Variants in CDK13 observed in about 807,000 individuals in gnomAD.
The protein encoded by CDK13 is cyclin-dependent kinase 13.
A neutral mutation model predicts 137.6 loss-of-function variants in CDK13; 40 were observed. That is an observed-to-expected ratio of 0.29 (90% CI 0.23 to 0.38). The LOEUF (loss-of-function observed/expected upper bound fraction) is 0.38. Among genes scored for constraint, CDK13 ranks in the 10% least tolerant of loss-of-function variants. The probability of loss-of-function intolerance (pLI) is 1.00; values close to 1 mark genes in which losing one functional copy is unlikely to be tolerated. For synonymous variants in CDK13, 869 were observed against 760.1 expected, an observed-to-expected ratio of 1.14 and a Z score of -2.36; for missense variants, 1,704 against 1,951.8, an observed-to-expected ratio of 0.87 and a Z score of 2.39.
chr7:39,974,081 A>T (rs1178684131), intron 1 of CDK13, among the ~76,000 whole-genome samples: 1 of 152,208 alleles, frequency 6.6e-6, no homozygotes, highest in Non-Finnish European at 1.5e-5. Flanking sequence ...GCATTTTCAA[A>T]TGAATTTTAG....
chr7:39,971,547 C>T (rs919561070), intron 1 of CDK13, among the ~76,000 whole-genome samples: 1 of 151,208 alleles, frequency 6.6e-6, no homozygotes, highest in Non-Finnish European at 1.5e-5. Context: ...AAAAAAAACA[C>T]TTTGTATTTT....
At chr7:40,077,900 G>C (rs1786581005) in intron 9 of CDK13, 105 bp from the exon 10 acceptor site, 3 of 542,084 alleles carry the variant, frequency 5.5e-6, no homozygotes, top group Admixed American at 3.1e-5. Context: ...ATAGACCAAG[G>C]CTTCAATTTT....
chr7:39,979,564 T>A (rs1424886987), intron 1 of CDK13, among the ~76,000 whole-genome samples: 1 of 152,110 alleles, frequency 6.6e-6, no homozygotes, highest in Non-Finnish European at 1.5e-5. Context: ...AGGGAAGTGG[T>A]AATGAGGTCT....
At chr7:40,075,132 T>G (rs1351238690) in intron 9 of CDK13, among the ~76,000 whole-genome samples, 1 of 152,120 alleles carries the variant, frequency 6.6e-6, no homozygotes, top group Non-Finnish European at 1.5e-5. Flanking sequence ...CAAGGAATAT[T>G]AAAAGCACAA....
chr7:39,965,572 A>G (rs538890074), intron 1 of CDK13, among the ~76,000 whole-genome samples: 261 of 152,068 alleles, frequency 1.7e-3, no homozygotes, highest in African/African-American at 5.7e-3. Context: ...TCTTTATCCA[A>G]TTTGCCCATC....
intron 7 of CDK13, among the ~76,000 whole-genome samples, chr7:40,051,663 A>G (rs1214302319): frequency 2.0e-5 from 3 of 152,214 alleles, no homozygotes; most frequent in Admixed American, 1.3e-4. Context: ...TTACAACTGT[A>G]ATAGCATCAA....
intron 5 of CDK13, among the ~76,000 whole-genome samples, chr7:40,003,828 G>A (rs1417551374): frequency 6.6e-6 from 1 of 152,036 alleles, no homozygotes; most frequent in South Asian, 2.1e-4. Flanking sequence ...ACACATGCAC[G>A]CATGCACAAT....
intron 1 of CDK13, among the ~76,000 whole-genome samples, chr7:39,958,518 C>T (rs1490874683): frequency 6.6e-6 from 1 of 152,100 alleles, no homozygotes; most frequent in African/African-American, 2.4e-5. Flanking sequence ...CTTTTTTATG[C>T]ATATATGCAC....
At position 40,046,049 on chromosome 7, in the gene CDK13, A is replaced by G. The variant is rs757129715; in HGVS notation, c.2543+24A>G. 4 of 1,355,928 alleles carry G rather than the reference A, an allele frequency of 3.0e-6. No individual in the cohort carries two copies. The African/African-American group carries it at 5.9e-5, about 20-fold the overall frequency. 84.0% of individuals were successfully genotyped at this position (1,355,928 alleles called of 1,614,324 possible). ...AGGTATGGGTATGAACTTTATATATATTTAAAATGAGTTTTACCATGGACA... is the reference window on the plus strand; with the variant it reads ...AGGTATGGGTATGAACTTTATATATGTTTAAAATGAGTTTTACCATGGACA... On this transcript the variant is annotated intron_variant, in intron 6 of 13. Transcript: ENST00000181839.
At chr7:39,972,572 A>G (rs1370217263) in intron 1 of CDK13, among the ~76,000 whole-genome samples, 2 of 152,206 alleles carry the variant, frequency 1.3e-5, no homozygotes, top group Non-Finnish European at 2.9e-5. Flanking sequence ...GGAATCATAT[A>G]ATGTATGATC....
intron 2 of CDK13, among the ~76,000 whole-genome samples, chr7:39,996,573 C>T (rs1053287193): frequency 6.6e-6 from 1 of 151,832 alleles, no homozygotes; most frequent in Non-Finnish European, 1.5e-5. Context: ...ATTAATTAAC[C>T]CTGAAAAGGG....
intron 5 of CDK13, among the ~76,000 whole-genome samples, chr7:40,022,811 G>T (rs1785155437): frequency 6.6e-6 from 1 of 151,444 alleles, no homozygotes; most frequent in Non-Finnish European, 1.5e-5. Context: ...AGCAATTACA[G>T]ATTAAAGGTA....
chr7:40,008,778 G>A (rs1215479300), intron 5 of CDK13, among the ~76,000 whole-genome samples: 4 of 152,078 alleles, frequency 2.6e-5, no homozygotes, highest in African/African-American at 7.2e-5. Context: ...GCATGTTAAG[G>A]CAGGGTTGAA....
chr7:40,073,052 T>C (rs1786457702), intron 9 of CDK13: 1 of 152,234 alleles, frequency 6.6e-6, no homozygotes, highest in African/African-American at 2.4e-5. Context: ...AGTATATTTC[T>C]GTTATGTGTT....
chr7:40,083,723 A>G (rs1188850251), intron 11 of CDK13, among the ~76,000 whole-genome samples: 1 of 152,188 alleles, frequency 6.6e-6, no homozygotes, highest in Non-Finnish European at 1.5e-5. Context: ...AAAAACAAAC[A>G]TGTTAAAAAC....
intron 5 of CDK13, among the ~76,000 whole-genome samples, chr7:40,040,033 G>GTTTTTTTTTTTTTTTTTTTTT (rs1785572541): frequency 7.0e-6 from 1 of 142,504 alleles, no homozygotes; most frequent in Non-Finnish European, 1.5e-5. Flanking sequence ...TTGAGATTGA[G>GTTTTTTTTTTTTTTTTTTTTT]TTTTGCTCAT....
Position 40,094,530 on chromosome 7 carries a change from A to G in CDK13, c.4089A>G (p.Leu1363=). ...DGLGSSSAPP[L]ERRSFIGNSD... is the part of the protein sequence containing the mutation. Reference sequence around the variant, plus strand: ...TAGGAAGCAGTTCTGCTCCACCACTAGAACGACGTAGTTTCATTGGAAATT... The same window carrying G: ...TAGGAAGCAGTTCTGCTCCACCACTGGAACGACGTAGTTTCATTGGAAATT... The change falls in exon 14 of 14, where the codon CTA becomes CTG. Residue 1363 remains leucine (L), a synonymous_variant. Transcript: ENST00000181839. The G allele has an allele frequency of 6.2e-7, 1 of 1,612,200 alleles. No homozygotes were observed. The highest frequency in any genetic ancestry group is 8.5e-7 in the Non-Finnish European group (1 of 1,179,162).
At chr7:40,070,428 A>AG in intron 9 of CDK13, 1 of 145,956 alleles carries the variant, frequency 6.9e-6, no homozygotes, top group Non-Finnish European at 1.5e-5. Flanking sequence ...AAAAAAAAAA[A>AG]GTGATAGAGG....
intron 5 of CDK13, among the ~76,000 whole-genome samples, chr7:40,013,336 T>TG (rs1162035148): frequency 1.3e-5 from 2 of 152,310 alleles, no homozygotes; most frequent in East Asian, 3.9e-4. Flanking sequence ...GTGGTAGTCA[T>TG]GGTTGCACAA....
Sources: gnomAD v4.1 joint callset for allele counts (sites outside exome capture counted in the v4.1 genomes callset) on GRCh38, gnomAD v4.1.1 for gene constraint, MANE v1.5 for transcripts, NCBI Gene and HGNC (gene_info 2026-07-23, HGNC 2026-07-21) for gene names.